DNAH11: variants seen among roughly 807,000 people sequenced by gnomAD.
DNAH11 encodes dynein axonemal heavy chain 11.
In DNAH11, 442 loss-of-function variants were observed where a neutral mutation model predicts 526.0. The ratio of observed to expected loss-of-function variants is 0.84; its 90% CI spans 0.78 to 0.91. The LOEUF (loss-of-function observed/expected upper bound fraction) is 0.91, where lower values mean the gene tolerates loss of function less well. DNAH11 is among the 40% of genes least tolerant of loss of function. DNAH11 has a pLI of 0.00. For missense variants in DNAH11, 6,989 were observed against 5,448.7 expected (o/e 1.28, Z -8.90); for synonymous variants, 2,461 against 1,935.9 (o/e 1.27, Z -7.12).
intron 65 of DNAH11, among the ~76,000 whole-genome samples, chr7:21,839,856 A>G (rs1782139011): frequency 1.3e-5 from 2 of 152,228 alleles, no homozygotes; most frequent in African/African-American, 2.4e-5. Flanking sequence ...CTGCAGGGAA[A>G]ACAACATTTG....
rs2128446539 is a variant in DNAH11 at position 21,599,813 on chromosome 7, T to C, written c.2694T>C (p.Asn898=). The change falls in exon 15 of 82, where the codon AAT becomes AAC. Residue 898 remains asparagine, a synonymous_variant. Coordinates refer to ENST00000409508, the MANE Select transcript of DNAH11 (RefSeq NM_001277115.2). ...AAAATAGGAAGCTCTTCAAAGCCAA[T>C]CCCTCTCTGGATACCTGGAAAATTT... is the stretch of plus-strand genomic sequence containing the variant. ...VEENRKLFKA[N]PSLDTWKIYV... 2 of 1,582,728 alleles carry C rather than the reference T, an allele frequency of 1.3e-6. No homozygotes were observed. The highest frequency in any genetic ancestry group is 1.7e-6 in the Non-Finnish European group (2 of 1,161,582).
chr7:21,559,150 C>G (rs1783342911), intron 3 of DNAH11, among the ~76,000 whole-genome samples, 152 bp downstream of exon 3: 1 of 152,126 alleles, frequency 6.6e-6, no homozygotes, highest in African/African-American at 2.4e-5. Flanking sequence ...ATAGTGAGAT[C>G]TCATCTCCAC....
intron 60 of DNAH11, among the ~76,000 whole-genome samples, chr7:21,788,798 A>G (rs1274353239): frequency 6.6e-6 from 1 of 152,208 alleles, no homozygotes; most frequent in African/African-American, 2.4e-5. Context: ...GCACAATGCA[A>G]TTTCTAGTAA....
chr7:21,789,868 T>TTTTC (rs368386245), intron 61 of DNAH11, among the ~76,000 whole-genome samples: 1,266 of 100,628 alleles, frequency 0.013, 28 homozygotes, highest in African/African-American at 0.042. Flanking sequence ...CCTTCCTTCC[T>TTTTC]TTTCTTTCTT....
chr7:21,547,027 TAGAG>T (rs973276582), intron 2 of DNAH11, among the ~76,000 whole-genome samples: 18 of 152,334 alleles, frequency 1.2e-4, no homozygotes, highest in East Asian at 3.9e-4. Context: ...CTTTGGTTCA[TAGAG>T]AAAGTTTATT....
chr7:21,697,805 C>T (rs1783914151), intron 35 of DNAH11, among the ~76,000 whole-genome samples: 1 of 152,164 alleles, frequency 6.6e-6, no homozygotes, highest in African/African-American at 2.4e-5. Flanking sequence ...CAACTTACAC[C>T]AGACGTTTAC....
At chr7:21,858,417 C>G (rs563272776) in intron 68 of DNAH11, among the ~76,000 whole-genome samples, 109 of 152,292 alleles carry the variant, frequency 7.2e-4, no homozygotes, top group African/African-American at 2.5e-3. Flanking sequence ...AAAAGCTTAA[C>G]AAATGTTCAT....
intron 28 of DNAH11, among the ~76,000 whole-genome samples, chr7:21,646,373 A>G (rs1247161322): frequency 1.3e-5 from 2 of 152,344 alleles, no homozygotes; most frequent in African/African-American, 4.8e-5. Context: ...ACAGATGAGG[A>G]ACAGGGATTC....
intron 43 of DNAH11, among the ~76,000 whole-genome samples, chr7:21,720,326 TTATTGA>T (rs752708101): frequency 6.6e-5 from 10 of 152,298 alleles, no homozygotes; most frequent in Admixed American, 3.3e-4. Context: ...AGAGTAACAC[TTATTGA>T]TAAGGAAAGA....
intron 30 of DNAH11, 63 bp from the exon 31 acceptor site, chr7:21,681,483 T>C: frequency 6.6e-7 from 1 of 1,522,032 alleles, no homozygotes; most frequent in East Asian, 2.3e-5. Context: ...TACGAAGAAT[T>C]TGGGGCTCTT....
chr7:21,777,833 A>G (rs1207480761), intron 56 of DNAH11, among the ~76,000 whole-genome samples: 2 of 152,210 alleles, frequency 1.3e-5, no homozygotes, highest in Admixed American at 1.3e-4. Flanking sequence ...CTTTTTAGAT[A>G]GAGTGTGAAT....
chr7:21,848,536 T>C (rs1053167884), intron 66 of DNAH11, among the ~76,000 whole-genome samples: 20 of 152,136 alleles, frequency 1.3e-4, no homozygotes. Flanking sequence ...TTTTCTCTTC[T>C]TCTGCCATCT....
At chr7:21,679,856 C>A (rs1034101250) in intron 30 of DNAH11, among the ~76,000 whole-genome samples, 1 of 152,050 alleles carries the variant, frequency 6.6e-6, no homozygotes, top group African/African-American at 2.4e-5. Flanking sequence ...TACAGATTAT[C>A]TTTCTTTTTT....
chr7:21,870,726 T>TA (rs768534789), intron 73 of DNAH11, among the ~76,000 whole-genome samples: 24 of 152,156 alleles, frequency 1.6e-4, no homozygotes, highest in Non-Finnish European at 2.6e-4. Flanking sequence ...AATTTTAACA[T>TA]AAAAAAAACT....
chr7:21,654,653 A>C (rs1288145355), intron 28 of DNAH11, among the ~76,000 whole-genome samples: 1 of 152,140 alleles, frequency 6.6e-6, no homozygotes, highest in Non-Finnish European at 1.5e-5. Flanking sequence ...TTTTTGAGGA[A>C]CCACAAAACT....
At chr7:21,872,718 T>C (rs1222560316) in intron 73 of DNAH11, among the ~76,000 whole-genome samples, 1 of 152,246 alleles carries the variant, frequency 6.6e-6, no homozygotes, top group African/African-American at 2.4e-5. Context: ...GAAAATCATC[T>C]GTTAGGAATA....
rs149808096 is a variant in DNAH11, at chr7:21,764,307, C to T, written c.8941-1121C>T. Among the ~76,000 whole-genome samples, 587 of 152,114 alleles carry T rather than the reference C, an allele frequency of 3.9e-3. 2 individuals are homozygous for T. Among genetic ancestry groups the T allele is most frequent in the African/African-American group, 0.014 (562 of 41,500 alleles). ...TAAATGAGATATGGGTGCACGTATG[C>T]TGGAATTTTTTATGACATGGATTTT... On this transcript the variant is annotated intron_variant, in intron 54 of 81. Coordinates refer to ENST00000409508, the MANE Select transcript of DNAH11 (RefSeq NM_001277115.2).
At position 21,545,159 on chromosome 7, in the gene DNAH11, T is replaced by TTTGATGA. The variant is rs1364157359; in HGVS notation, c.495+10_495+11insTTGATGA. 1 of 1,600,962 alleles carries TTTGATGA rather than the reference T, an allele frequency of 6.2e-7. No individual in the cohort carries two copies. The highest frequency in any genetic ancestry group is 1.7e-5 in the Admixed American group (1 of 58,012). On this transcript the variant is annotated intron_variant, in intron 2 of 81. Transcript: ENST00000409508. ...TGCTTTCCTTGATGAGGTACTGGTC[T>TTTGATGA]GTCTTTAATATTTAAAGCTTTCACT...
At position 21,635,760 on chromosome 7, in the gene DNAH11, A is replaced by G. The variant is rs1786832760; in HGVS notation, c.4501-111A>G. On this transcript the variant is annotated intron_variant, in intron 25 of 81. Coordinates refer to ENST00000409508, the MANE Select transcript of DNAH11 (RefSeq NM_001277115.2). Reference sequence around the variant, plus strand: ...ATTAAATGCCAGTTCCAGATATTACATGCTAGGTCTAAGAATCCAGCAATA... The same window carrying G: ...ATTAAATGCCAGTTCCAGATATTACGTGCTAGGTCTAAGAATCCAGCAATA... 4 of 807,724 alleles carry G rather than the reference A, an allele frequency of 5.0e-6. No homozygotes were observed. The East Asian group carries it at 1.1e-4, about 22-fold the overall frequency. 50.0% of individuals were successfully genotyped at this position (807,724 alleles called of 1,614,324 possible). A position where few individuals can be genotyped will look rare whatever the true frequency, so the allele number is the denominator to read the frequency against.
Sources: allele counts gnomAD v4.1 joint callset (sites outside exome capture counted in the v4.1 genomes callset), GRCh38; gene constraint gnomAD v4.1.1; transcripts MANE v1.5; gene names NCBI Gene and HGNC (gene_info 2026-07-23, HGNC 2026-07-21).